Variants in EPB41L5 observed in about 807,000 individuals in gnomAD.
The protein encoded by EPB41L5 is band 4.1-like protein 5.
EPB41L5 carries 55 observed loss-of-function variants against 106.6 expected under a neutral mutation model. The ratio of observed to expected loss-of-function variants is 0.52; its 90% CI spans 0.42 to 0.65. The LOEUF (loss-of-function observed/expected upper bound fraction) is 0.65. Among genes scored for constraint, EPB41L5 ranks in the 30% least tolerant of loss-of-function variants. EPB41L5 has a pLI of 0.00. For missense variants in EPB41L5, 871 were observed against 882.1 expected, an observed-to-expected ratio of 0.99 and a Z score of 0.16; for synonymous variants, 297 against 306.7, an observed-to-expected ratio of 0.97 and a Z score of 0.33.
Position 120,019,138 on chromosome 2 carries a change from A to G in EPB41L5, c.54A>G (p.Ala18=). ...GGCGTCGGTCTATGCGTAAACATGC[A>G]GAGAAGGAACGACTCCGAGAAGCAC... The part of the protein sequence containing the change: ...TLGRRSMRKH[A]EKERLREAQR... The change falls in exon 2 of 25, where the codon GCA becomes GCG. Residue 18 remains alanine, a synonymous_variant. Coordinates refer to ENST00000263713, the MANE Select transcript of EPB41L5 (RefSeq NM_020909.4). 1 of 1,613,934 alleles carries G rather than the reference A, an allele frequency of 6.2e-7. No individual in the cohort carries two copies. The highest frequency in any genetic ancestry group is 8.5e-7 in the Non-Finnish European group (1 of 1,179,978).
intron 16 of EPB41L5, among the ~76,000 whole-genome samples, chr2:120,117,860 A>C (rs991022271): frequency 6.6e-6 from 1 of 151,288 alleles, no homozygotes; most frequent in Admixed American, 6.6e-5. Flanking sequence ...CCCCCTCCCC[A>C]TTTTTAAACA....
chr2:120,132,311 C>T (rs1685732389), intron 18 of EPB41L5, among the ~76,000 whole-genome samples: 2 of 152,036 alleles, frequency 1.3e-5, no homozygotes, highest in South Asian at 2.1e-4. Flanking sequence ...ACCAGATGGC[C>T]CCACTAAATG....
In EPB41L5 at chr2:120,157,768, C is replaced by CAA. The variant is rs200155407; in HGVS notation, c.1794-3095_1794-3094dup. Among the ~76,000 whole-genome samples the CAA allele has an allele frequency of 9.9e-4, 79 of 79,494 alleles. 1 individual carries two copies. Among genetic ancestry groups the CAA allele is most frequent in the Admixed American group, 1.3e-3 (10 of 7,822 alleles). The allele number at this position is 79,494 out of a possible 152,430, so 52.2% of individuals were successfully genotyped here. ...TGGGAAACGGAGTGAGACCCTGTCT[C>CAA]AAAAAAAAAAAAAAAAAAATCCAAA... is the stretch of plus-strand genomic sequence containing the variant. On this transcript the variant is annotated intron_variant, in intron 20 of 24. Coordinates refer to ENST00000263713, the MANE Select transcript of EPB41L5 (RefSeq NM_020909.4).
intron 21 of EPB41L5, among the ~76,000 whole-genome samples, chr2:120,162,790 T>C (rs991081856): frequency 6.6e-6 from 1 of 152,218 alleles, no homozygotes; most frequent in African/African-American, 2.4e-5. Flanking sequence ...TCGTAATACA[T>C]TGTGGTAGAC....
intron 1 of EPB41L5, among the ~76,000 whole-genome samples, chr2:120,018,006 G>A (rs1279458914): frequency 6.7e-6 from 1 of 148,836 alleles, no homozygotes; most frequent in Non-Finnish European, 1.5e-5. Context: ...CTGTCGCCCA[G>A]GCTGGAGTAC....
chr2:120,170,707 C>T (rs1417524266), intron 24 of EPB41L5, among the ~76,000 whole-genome samples: 1 of 152,186 alleles, frequency 6.6e-6, no homozygotes, highest in Non-Finnish European at 1.5e-5. Context: ...CCTTTCCACA[C>T]CCAAGGGCTA....
chr2:120,036,047 C>T (rs755929058), intron 2 of EPB41L5, among the ~76,000 whole-genome samples: 8 of 152,094 alleles, frequency 5.3e-5, no homozygotes, highest in Non-Finnish European at 1.0e-4. Flanking sequence ...CCAAATTTGT[C>T]TTGATAATTA....
intron 3 of EPB41L5, among the ~76,000 whole-genome samples, chr2:120,069,430 A>C (rs1681702450): frequency 6.6e-6 from 1 of 152,150 alleles, no homozygotes; most frequent in Non-Finnish European, 1.5e-5. Context: ...AAAATTGACA[A>C]GGATATTTAG....
intron 18 of EPB41L5, among the ~76,000 whole-genome samples, chr2:120,138,713 T>C (rs1226476085): frequency 6.6e-6 from 1 of 152,072 alleles, no homozygotes; most frequent in Non-Finnish European, 1.5e-5. Flanking sequence ...ATATTCCATG[T>C]TCATGGATTA....
intron 18 of EPB41L5, among the ~76,000 whole-genome samples, chr2:120,140,854 A>G (rs1222311387): frequency 1.3e-5 from 2 of 152,116 alleles, no homozygotes; most frequent in South Asian, 2.1e-4. Flanking sequence ...TCTGCTATCA[A>G]CAGTTGTTGT....
chr2:120,019,280 T>C lies in EPB41L5; in HGVS notation c.180+16T>C. The C allele has an allele frequency of 3.8e-6, 6 of 1,597,040 alleles. No homozygotes were observed. Among genetic ancestry groups the C allele is most frequent in the Non-Finnish European group, 5.1e-6 (6 of 1,173,206 alleles). ...GGACTTGCCAGTAAGTAGGTCTTGC[T>C]GAGCTCCAAATTCTGTTTGCGATTA... On this transcript the variant is annotated intron_variant, in intron 2 of 24. Coordinates refer to ENST00000263713, the MANE Select transcript of EPB41L5 (RefSeq NM_020909.4).
intron 20 of EPB41L5, among the ~76,000 whole-genome samples, chr2:120,149,337 G>C (rs935677597): frequency 6.6e-6 from 1 of 151,916 alleles, no homozygotes; most frequent in South Asian, 2.1e-4. Flanking sequence ...GAATATTTTC[G>C]TCACCTCAAA....
At chr2:120,030,112 G>C (rs1678602836) in intron 2 of EPB41L5, among the ~76,000 whole-genome samples, 1 of 152,162 alleles carries the variant, frequency 6.6e-6, no homozygotes, top group African/African-American at 2.4e-5. Flanking sequence ...TTCATTCCTG[G>C]GCGTAGGCCT....
chr2:120,036,663 T>C (rs1679058543), intron 2 of EPB41L5, among the ~76,000 whole-genome samples: 1 of 152,024 alleles, frequency 6.6e-6, no homozygotes, highest in Admixed American at 6.6e-5. Flanking sequence ...CTAAAAGATA[T>C]TAACAACATG....
At chr2:120,015,094 C>A (rs1337182771) in intron 1 of EPB41L5, among the ~76,000 whole-genome samples, 1 of 150,194 alleles carries the variant, frequency 6.7e-6, no homozygotes, top group Non-Finnish European at 1.5e-5. Flanking sequence ...GAGGCCGAGG[C>A]GGGCGGATCA....
At chr2:120,115,623 C>T (rs987851512) in intron 16 of EPB41L5, among the ~76,000 whole-genome samples, 1 of 151,998 alleles carries the variant, frequency 6.6e-6, no homozygotes, top group East Asian at 1.9e-4. Flanking sequence ...AACTCCTGAC[C>T]TTGTGATCCG....
At chr2:120,026,351 C>CTGTTTTTT (rs1427941009) in intron 2 of EPB41L5, among the ~76,000 whole-genome samples, 1 of 144,474 alleles carries the variant, frequency 6.9e-6, no homozygotes, top group Non-Finnish European at 1.5e-5. Flanking sequence ...GCACCACTTT[C>CTGTTTTTT]TGTTTTTTTG....
chr2:120,048,777 T>C (rs1183006777), intron 3 of EPB41L5, among the ~76,000 whole-genome samples: 1 of 152,224 alleles, frequency 6.6e-6, no homozygotes, highest in Admixed American at 6.5e-5. Context: ...CTGCTTTCTC[T>C]TGTGGGCATT....
rs746416001 is a variant in EPB41L5 at position 120,100,239 on chromosome 2, TAC to T, written c.1179-3_1179-2del. 1 of 1,612,734 alleles carries T rather than the reference TAC, an allele frequency of 6.2e-7. No individual in the cohort carries two copies. Among genetic ancestry groups the T allele is most frequent in the African/African-American group, 1.3e-5 (1 of 74,994 alleles). On this transcript the variant is annotated splice_region_variant and splice_polypyrimidine_tract_variant and intron_variant, in intron 14 of 24. Transcript: ENST00000263713. The stretch of plus-strand genomic sequence containing the variant: ...TTTTTAATTGATTTTTTTTTCCCAT[TAC>T]AGTGTTCACAATAATGTTTCGACCC...
Sources: allele counts gnomAD v4.1 joint callset (sites outside exome capture counted in the v4.1 genomes callset), GRCh38; gene constraint gnomAD v4.1.1; transcripts MANE v1.5; gene names NCBI Gene and HGNC (gene_info 2026-07-23, HGNC 2026-07-21).